OPCML: variants seen among roughly 807,000 people sequenced by gnomAD.
OPCML encodes opioid binding protein/cell adhesion molecule like.
In OPCML, 13 loss-of-function variants were observed where a neutral mutation model predicts 37.8. That is an observed-to-expected ratio of 0.34 (90% confidence interval 0.22 to 0.55). The LOEUF is 0.55. OPCML is among the 20% of genes least tolerant of loss of function. The pLI, the probability that OPCML is intolerant of heterozygous loss-of-function variation, is 0.91. For missense variants in OPCML, 341 were observed against 435.6 expected (o/e 0.78, Z 1.93); for synonymous variants, 176 against 168.8 (o/e 1.04, Z -0.33).
intron 2 of OPCML, among the ~76,000 whole-genome samples, chr11:132,915,607 A>G (rs1449121349): frequency 6.6e-6 from 1 of 151,514 alleles, no homozygotes; most frequent in Non-Finnish European, 1.5e-5. Flanking sequence ...TGATAATCTC[A>G]CCAGCAGTGT....
intron 1 of OPCML, among the ~76,000 whole-genome samples, chr11:133,285,679 A>G (rs554617864): frequency 6.6e-6 from 1 of 152,328 alleles, no homozygotes; most frequent in African/African-American, 2.4e-5. Flanking sequence ...GTTTACCTAC[A>G]TATTTTAGAA....
rs568428374 is a variant in OPCML at position 132,686,177 on chromosome 11, G to A, written c.147-28858C>T. Among the ~76,000 whole-genome samples the A allele has an allele frequency of 9.5e-4, 145 of 152,254 alleles. 1 individual carries two copies. The highest frequency in any genetic ancestry group is 2.7e-3 in the South Asian group (13 of 4,826). On this transcript the variant is annotated intron_variant, in intron 2 of 7. Coordinates refer to ENST00000524381, the MANE Select transcript of OPCML (RefSeq NM_001012393.5). ...TTCAGGTGCTGGCCCCAAGTTCCCC[G>A]AAGCAGATGTGTGCAGATCATCAAT... is the stretch of plus-strand genomic sequence containing the variant.
At chr11:132,874,444 CT>C (rs1942935559) in intron 2 of OPCML, among the ~76,000 whole-genome samples, 1 of 124,480 alleles carries the variant, frequency 8.0e-6, no homozygotes, top group African/African-American at 3.0e-5. Flanking sequence ...TTCCTTCCTT[CT>C]TTCCTTCCCT....
At chr11:133,238,593 C>T (rs1940611334) in intron 1 of OPCML, among the ~76,000 whole-genome samples, 1 of 152,140 alleles carries the variant, frequency 6.6e-6, no homozygotes, top group Admixed American at 6.5e-5. Flanking sequence ...GCTCCAGTGT[C>T]CTACCCACCC....
At chr11:132,484,252 G>T (rs1174614841) in intron 4 of OPCML, among the ~76,000 whole-genome samples, 2 of 152,246 alleles carry the variant, frequency 1.3e-5, no homozygotes, top group East Asian at 3.9e-4. Flanking sequence ...CAAAAAGTGG[G>T]CAAAGGACAT....
chr11:132,496,005 AT>A (rs1158936785), intron 4 of OPCML, among the ~76,000 whole-genome samples: 6 of 152,204 alleles, frequency 3.9e-5, no homozygotes, highest in Admixed American at 3.3e-4. Context: ...TAGAAGTAGC[AT>A]CATAAAAATC....
At chr11:133,269,734 G>A (rs1941768575) in intron 1 of OPCML, among the ~76,000 whole-genome samples, 1 of 152,130 alleles carries the variant, frequency 6.6e-6, no homozygotes, top group African/African-American at 2.4e-5. Context: ...TGCACTAAGA[G>A]CAGCAAACCA....
intron 1 of OPCML, among the ~76,000 whole-genome samples, chr11:133,426,784 A>G (rs759143552): frequency 6.6e-6 from 1 of 152,160 alleles, no homozygotes; most frequent in African/African-American, 2.4e-5. Flanking sequence ...GAATCAGTAA[A>G]CACTGGAGGC....
chr11:132,766,333 C>T (rs114306399), intron 2 of OPCML, among the ~76,000 whole-genome samples: 109 of 152,248 alleles, frequency 7.2e-4, no homozygotes, highest in African/African-American at 2.3e-3. Context: ...ACTTACTAAT[C>T]TCAGAAAAAT....
At chr11:132,662,071 CGTTTT>C in intron 2 of OPCML, among the ~76,000 whole-genome samples, 1 of 152,234 alleles carries the variant, frequency 6.6e-6, no homozygotes, top group African/African-American at 2.4e-5. Flanking sequence ...GATTCAGGGT[CGTTTT>C]GTTTTGTTTT....
At chr11:133,112,650 G>T (rs960027444) in intron 1 of OPCML, among the ~76,000 whole-genome samples, 1 of 152,110 alleles carries the variant, frequency 6.6e-6, no homozygotes, top group African/African-American at 2.4e-5. Context: ...TGCCGTGAAT[G>T]CTTTGATAGG....
intron 1 of OPCML, among the ~76,000 whole-genome samples, chr11:133,046,639 G>A (rs910941812): frequency 2.6e-5 from 4 of 152,132 alleles, no homozygotes; most frequent in African/African-American, 9.7e-5. Flanking sequence ...CATAGCCCCT[G>A]GCATGTGGGG....
chr11:132,825,777 C>T (rs542590330), intron 2 of OPCML, among the ~76,000 whole-genome samples: 1 of 152,150 alleles, frequency 6.6e-6, no homozygotes. Context: ...GTTAGTTTAA[C>T]AAAGTGAAGG....
chr11:133,146,772 A>G (rs1335605542), intron 1 of OPCML, among the ~76,000 whole-genome samples: 1 of 152,142 alleles, frequency 6.6e-6, no homozygotes, highest in Non-Finnish European at 1.5e-5. Context: ...TCTATCTCCT[A>G]TCCTCATCTG....
chr11:133,108,596 G>GAC (rs35897644), intron 1 of OPCML, among the ~76,000 whole-genome samples: 327 of 151,330 alleles, frequency 2.2e-3, no homozygotes, highest in Non-Finnish European at 3.2e-3. Context: ...CACACGCACA[G>GAC]ACACACACAC....
chr11:132,507,593 CAA>C (rs143748226), intron 4 of OPCML, among the ~76,000 whole-genome samples: 82 of 151,450 alleles, frequency 5.4e-4, no homozygotes, highest in African/African-American at 1.8e-3. Flanking sequence ...TTAAAAACAA[CAA>C]AAATTTTTTT....
At chr11:132,498,568 A>C (rs2096238482) in intron 4 of OPCML, among the ~76,000 whole-genome samples, 1 of 152,204 alleles carries the variant, frequency 6.6e-6, no homozygotes, top group Non-Finnish European at 1.5e-5. Flanking sequence ...ATTTGTCAAG[A>C]TTACTTGGCT....
intron 2 of OPCML, among the ~76,000 whole-genome samples, chr11:132,665,913 T>C (rs1301719558): frequency 6.6e-6 from 1 of 152,200 alleles, no homozygotes; most frequent in Non-Finnish European, 1.5e-5. Context: ...ATCACATTCA[T>C]GGATACAATA....
At chr11:133,260,873 ATT>A (rs112419646) in intron 1 of OPCML, among the ~76,000 whole-genome samples, 1 of 150,126 alleles carries the variant, frequency 6.7e-6, no homozygotes, top group African/African-American at 2.4e-5. Context: ...TAGTACATAG[ATT>A]TTTTTTTTTC....
Sources: gnomAD v4.1 joint callset for allele counts (sites outside exome capture counted in the v4.1 genomes callset) on GRCh38, gnomAD v4.1.1 for gene constraint, MANE v1.5 for transcripts, NCBI Gene and HGNC (gene_info 2026-07-23, HGNC 2026-07-21) for gene names.